Variants in MYRIP observed in about 807,000 individuals in gnomAD.
The protein encoded by MYRIP is myosin VIIA and Rab interacting protein.
In MYRIP, 49 loss-of-function variants were observed where a neutral mutation model predicts 98.0. The ratio of observed to expected loss-of-function variants is 0.50; its 90% CI spans 0.40 to 0.63. The LOEUF (loss-of-function observed/expected upper bound fraction) is 0.63, where lower values mean the gene tolerates loss of function less well. Ranked by LOEUF, MYRIP falls within the 30% of genes least tolerant of loss-of-function variation. The pLI is 0.00. For missense variants in MYRIP, 1,004 were observed against 1,058.2 expected, an observed-to-expected ratio of 0.95 and a Z score of 0.71; for synonymous variants, 404 against 409.5, an observed-to-expected ratio of 0.99 and a Z score of 0.16.
At chr3:40,009,799 A>G (rs924953729) in intron 2 of MYRIP, among the ~76,000 whole-genome samples, 6 of 152,170 alleles carry the variant, frequency 3.9e-5, no homozygotes, top group Non-Finnish European at 5.9e-5. Context: ...ACTGTGATGT[A>G]TAGGTTCTGT....
chr3:40,152,123 G>C (rs1950136471), intron 4 of MYRIP, among the ~76,000 whole-genome samples: 2 of 152,190 alleles, frequency 1.3e-5, no homozygotes, highest in Admixed American at 6.5e-5. Context: ...ATAGCTAAGA[G>C]AGCAGTGCCG....
chr3:39,883,302 A>T (rs527709960), intron 1 of MYRIP, among the ~76,000 whole-genome samples: 1 of 152,340 alleles, frequency 6.6e-6, no homozygotes, highest in African/African-American at 2.4e-5. Flanking sequence ...AATTGTCCCA[A>T]TCCTGAAATT....
chr3:40,246,052 G>A (rs1953189993), intron 13 of MYRIP, among the ~76,000 whole-genome samples: 1 of 150,952 alleles, frequency 6.6e-6, no homozygotes, highest in African/African-American at 2.4e-5. Flanking sequence ...GTGAGCCACT[G>A]CAATAGATCC....
chr3:40,222,768 T>C (rs1414751512), intron 11 of MYRIP, among the ~76,000 whole-genome samples: 1 of 152,344 alleles, frequency 6.6e-6, no homozygotes, highest in Middle Eastern at 3.4e-3. Flanking sequence ...ATTTACCTGA[T>C]GTATAAAGAA....
intron 3 of MYRIP, among the ~76,000 whole-genome samples, chr3:40,103,556 C>G (rs918733909): frequency 6.6e-6 from 1 of 152,156 alleles, no homozygotes; most frequent in Non-Finnish European, 1.5e-5. Context: ...GTCAGGAGCT[C>G]GAGACCAGCC....
At chr3:40,092,454 C>G (rs1317835479) in intron 3 of MYRIP, among the ~76,000 whole-genome samples, 1 of 152,156 alleles carries the variant, frequency 6.6e-6, no homozygotes, top group Non-Finnish European at 1.5e-5. Flanking sequence ...AGTTCTTAAG[C>G]TGATGGAGGG....
In MYRIP at chr3:39,869,073, A is replaced by G. The variant is rs184519073; in HGVS notation, c.-30-31714A>G. 8.5e-5 allele frequency among the ~76,000 whole-genome samples: 13 copies of G among 152,294 alleles called. No individual in the cohort carries two copies. In the East Asian group the frequency reaches 2.5e-3, roughly 29 times the overall value. Reference sequence around the variant, plus strand: ...AGTTTATCCTACCTGGAGTTCTTCAAGATTTCTGGATGTGCGATTAATACT... The same window carrying G: ...AGTTTATCCTACCTGGAGTTCTTCAGGATTTCTGGATGTGCGATTAATACT... On this transcript the variant is annotated intron_variant, in intron 1 of 16. Coordinates refer to ENST00000302541, the MANE Select transcript of MYRIP (RefSeq NM_015460.4).
intron 2 of MYRIP, among the ~76,000 whole-genome samples, chr3:39,960,365 CAT>C (rs1173620365): frequency 6.6e-6 from 1 of 152,122 alleles, no homozygotes; most frequent in Non-Finnish European, 1.5e-5. Flanking sequence ...GTAAAAAACA[CAT>C]GAGTCCTATT....
intron 1 of MYRIP, among the ~76,000 whole-genome samples, chr3:39,887,221 C>T (rs1444959436): frequency 6.6e-6 from 1 of 151,686 alleles, no homozygotes; most frequent in African/African-American, 2.4e-5. Context: ...GCACTAAATG[C>T]CCACAAGAGA....
At chr3:39,983,517 A>G (rs903222680) in intron 2 of MYRIP, among the ~76,000 whole-genome samples, 1 of 152,188 alleles carries the variant, frequency 6.6e-6, no homozygotes, top group Admixed American at 6.5e-5. Flanking sequence ...CTCTTGGCAC[A>G]CTACATCACC....
At chr3:39,852,625 C>T (rs996874057) in intron 1 of MYRIP, among the ~76,000 whole-genome samples, 1 of 152,008 alleles carries the variant, frequency 6.6e-6, no homozygotes, top group Non-Finnish European at 1.5e-5. Flanking sequence ...CAAGTGAGAA[C>T]ATATGATATT....
intron 1 of MYRIP, among the ~76,000 whole-genome samples, chr3:39,827,780 T>C (rs1941314438): frequency 6.6e-6 from 1 of 152,222 alleles, no homozygotes; most frequent in Non-Finnish European, 1.5e-5. Context: ...TCTTGTCTAG[T>C]GGTGATCAAT....
rs189124955 is a variant in MYRIP, at chr3:40,248,650, T to G, written c.2263-1572T>G. On this transcript the variant is annotated intron_variant, in intron 13 of 16. Transcript: ENST00000302541. The stretch of plus-strand genomic sequence containing the variant: ...CAGCAGCTTGCTTTCCCATTGACCT[T>G]GTCTTTCCCAGGGCCCTCTGAGCAA... Among the ~76,000 whole-genome samples the G allele has an allele frequency of 5.1e-4, 77 of 152,300 alleles. No individual in the cohort carries two copies. The East Asian group carries it at 0.014, about 27-fold the overall frequency.
chr3:40,024,352 G>T (rs1278968920), intron 2 of MYRIP, among the ~76,000 whole-genome samples: 1 of 152,126 alleles, frequency 6.6e-6, no homozygotes, highest in Non-Finnish European at 1.5e-5. Context: ...GGAGGAGGCT[G>T]CCCTGAGCTA....
chr3:40,016,247 A>G (rs1946858656), intron 2 of MYRIP, among the ~76,000 whole-genome samples: 1 of 152,014 alleles, frequency 6.6e-6, no homozygotes, highest in African/African-American at 2.4e-5. Context: ...CCTCTTGGCT[A>G]TTCCACATTT....
At chr3:39,810,386 G>C (rs1221008777) in intron 1 of MYRIP, 2 of 152,462 alleles carry the variant, frequency 1.3e-5, no homozygotes, top group Admixed American at 6.5e-5. Context: ...CTCTCTCAAG[G>C]TCACAGCTGG....
intron 3 of MYRIP, among the ~76,000 whole-genome samples, chr3:40,044,691 G>A (rs925726123): frequency 2.6e-5 from 4 of 152,198 alleles, no homozygotes; most frequent in African/African-American, 4.8e-5. Flanking sequence ...GGTGTGATAC[G>A]TAAGTGCTGG....
intron 8 of MYRIP, among the ~76,000 whole-genome samples, chr3:40,178,198 TTGA>T: frequency 6.6e-6 from 1 of 152,310 alleles, no homozygotes; most frequent in East Asian, 1.9e-4. Flanking sequence ...GCCTGTCCTG[TTGA>T]TGATGATGAT....
Position 40,017,339 on chromosome 3 carries a change from A to T in MYRIP, c.111-26711A>T, listed in dbSNP as rs1439760875. ...AGTGTATGTTTAGATACAATGCTGGATAGAGATAGAAACTGGAACTCTCCA... is the reference window on the plus strand; with the variant it reads ...AGTGTATGTTTAGATACAATGCTGGTTAGAGATAGAAACTGGAACTCTCCA... On this transcript the variant is annotated intron_variant, in intron 2 of 16. Coordinates refer to ENST00000302541, the MANE Select transcript of MYRIP (RefSeq NM_015460.4). Among the ~76,000 whole-genome samples the T allele has an allele frequency of 4.6e-5, 7 of 152,312 alleles. No homozygotes were observed. In the South Asian group the frequency reaches 1.4e-3, roughly 32 times the overall value.
Sources: gnomAD v4.1 joint callset for allele counts (sites outside exome capture counted in the v4.1 genomes callset) on GRCh38, gnomAD v4.1.1 for gene constraint, MANE v1.5 for transcripts, NCBI Gene and HGNC (gene_info 2026-07-23, HGNC 2026-07-21) for gene names.